The following OSBP2 variants were observed in gnomAD, a reference collection of about 807,000 sequenced individuals.
OSBP2 encodes the protein oxysterol-binding protein 2.
Under a neutral mutation model 96.0 loss-of-function variants are expected in OSBP2, and 66 were observed. That is an observed-to-expected ratio of 0.69 (90% CI 0.56 to 0.84). The LOEUF (loss-of-function observed/expected upper bound fraction) is 0.84. Ranked by LOEUF, OSBP2 falls within the 40% of genes least tolerant of loss-of-function variation. The pLI is 0.00. For synonymous variants in OSBP2, 525 were observed against 520.9 expected, an observed-to-expected ratio of 1.01 and a Z score of -0.11; for missense variants, 1,038 against 1,222.7, an observed-to-expected ratio of 0.85 and a Z score of 2.25.
intron 1 of OSBP2, among the ~76,000 whole-genome samples, chr22:30,723,595 G>A (rs982804281): frequency 1.3e-5 from 2 of 151,714 alleles, no homozygotes; most frequent in Non-Finnish European, 2.9e-5. Context: ...TGTATTTTTA[G>A]TAGAGACGGG....
At chr22:30,834,534 C>T (rs1278872200) in intron 2 of OSBP2, among the ~76,000 whole-genome samples, 1 of 152,160 alleles carries the variant, frequency 6.6e-6, no homozygotes, top group African/African-American at 2.4e-5. Flanking sequence ...GTTTTTTAAT[C>T]ACTGTCATCC....
At chr22:30,830,885 C>CAAAA (rs136219) in intron 2 of OSBP2, among the ~76,000 whole-genome samples, 19 of 149,084 alleles carry the variant, frequency 1.3e-4, no homozygotes, top group African/African-American at 4.4e-4. Context: ...CATTGAGATC[C>CAAAA]AAAAAAAAAA....
intron 2 of OSBP2, among the ~76,000 whole-genome samples, chr22:30,750,437 T>C (rs1247514249): frequency 6.6e-6 from 1 of 152,170 alleles, no homozygotes; most frequent in African/African-American, 2.4e-5. Context: ...GTGCCCCATG[T>C]AAACAAAAAA....
intron 1 of OSBP2, among the ~76,000 whole-genome samples, chr22:30,720,398 G>A (rs903582697): frequency 3.9e-5 from 6 of 152,176 alleles, no homozygotes; most frequent in Non-Finnish European, 8.8e-5. Context: ...TGGCAAAATG[G>A]TGCAGGCAAT....
chr22:30,814,896 T>C (rs569030085), intron 2 of OSBP2, among the ~76,000 whole-genome samples: 1 of 152,324 alleles, frequency 6.6e-6, no homozygotes, highest in Non-Finnish European at 1.5e-5. Flanking sequence ...GTACTTGCTT[T>C]CAGTCACAAT....
At chr22:30,859,191 G>A (rs866077165) in intron 2 of OSBP2, among the ~76,000 whole-genome samples, 2 of 152,226 alleles carry the variant, frequency 1.3e-5, no homozygotes, top group East Asian at 1.9e-4. Flanking sequence ...GAGAAGCCGC[G>A]CTGGCTGTCT....
rs1052633379 is a variant in OSBP2, at chr22:30,881,650, C to T, written c.1108-5776C>T. The T allele has an allele frequency of 6.1e-6, 8 of 1,301,666 alleles. No individual in the cohort carries two copies. Among genetic ancestry groups the T allele is most frequent in the South Asian group, 2.5e-5 (2 of 80,968 alleles). 80.6% of individuals were successfully genotyped at this position (1,301,666 alleles called of 1,614,324 possible). A position where few individuals can be genotyped will look rare whatever the true frequency, so the allele number is the denominator to read the frequency against. The stretch of plus-strand genomic sequence containing the variant: ...CTGCCGGGCCCCAAGCCTAATCCAG[C>T]TTATCAAGCACACAGCACACAGCCC... On this transcript the variant is annotated intron_variant, in intron 3 of 13. Transcript: ENST00000332585. This position sits in a 1 kb window ranked among gnomAD's most constrained non-coding sequence, Gnocchi z 4.5.
chr22:30,822,564 C>T (rs1490389695), intron 2 of OSBP2: 6 of 1,456,166 alleles, frequency 4.1e-6, no homozygotes, highest in East Asian at 2.5e-5. Flanking sequence ...TGCACGCGTC[C>T]GTGCAAGCCC....
chr22:30,771,915 C>T (rs1258417053), intron 2 of OSBP2, among the ~76,000 whole-genome samples: 1 of 152,220 alleles, frequency 6.6e-6, no homozygotes, highest in African/African-American at 2.4e-5. Context: ...AGGACAGAGG[C>T]TGTGCTTGTC....
intron 2 of OSBP2, among the ~76,000 whole-genome samples, chr22:30,779,459 A>G (rs764028094): frequency 3.9e-5 from 6 of 152,116 alleles, no homozygotes; most frequent in Non-Finnish European, 8.8e-5. Context: ...GTCAACTAGT[A>G]CAACATATAT....
chr22:30,693,835 G>A (rs1482247111), upstream of OSBP2: 14 of 486,798 alleles, frequency 2.9e-5, no homozygotes, highest in Non-Finnish European at 4.9e-5. Flanking sequence ...GGCATGGTGC[G>A]GGCCGTGGAA....
rs565488217 is a variant in OSBP2 at position 30,701,633 on chromosome 22, A to G, written c.644+6080A>G. Among the ~76,000 whole-genome samples, 317 of 152,176 alleles carry G rather than the reference A, an allele frequency of 2.1e-3. 1 individual carries two copies. Among genetic ancestry groups the G allele is most frequent in the African/African-American group, 7.0e-3 (290 of 41,542 alleles). On this transcript the variant is annotated intron_variant, in intron 1 of 13. Transcript: ENST00000332585. ...GCTGGGATTACAGGCGTGAGCCACC[A>G]CGCCCAGCCTTCAATGTCAATTTTG...
chr22:30,789,334 T>A (rs2090640922), intron 2 of OSBP2, among the ~76,000 whole-genome samples: 2 of 152,188 alleles, frequency 1.3e-5, no homozygotes, highest in South Asian at 2.1e-4. Context: ...AGAGGGGGCC[T>A]GAATCTGGCA....
At position 30,783,143 on chromosome 22, in the gene OSBP2, G is replaced by A. The variant is rs2090542732; in HGVS notation, c.853+41774G>A. ...GGAGAATCACAGGGCAATTGCCCAGGAACCTGTGTGCATATGGTCCTATTC... is the reference window on the plus strand; with the variant it reads ...GGAGAATCACAGGGCAATTGCCCAGAAACCTGTGTGCATATGGTCCTATTC... On this transcript the variant is annotated intron_variant, in intron 2 of 13. Transcript: ENST00000332585. Among the ~76,000 whole-genome samples the A allele has an allele frequency of 2.7e-5, 4 of 146,216 alleles. No individual in the cohort carries two copies. In the South Asian group the frequency reaches 9.3e-4, roughly 34 times the overall value.
At chr22:30,874,373 C>A (rs1387163943) in intron 3 of OSBP2, among the ~76,000 whole-genome samples, 1 of 151,996 alleles carries the variant, frequency 6.6e-6, no homozygotes, top group East Asian at 1.9e-4. Context: ...GATCACGCCA[C>A]TGCACTCCAG....
chr22:30,822,461 G>A (rs1602313884), intron 2 of OSBP2: 1 of 1,260,272 alleles, frequency 7.9e-7, no homozygotes, highest in Non-Finnish European at 1.0e-6. Flanking sequence ...ACGCGCTCAT[G>A]TACCGGGTGG....
chr22:30,790,966 C>A (rs537097217), intron 2 of OSBP2, among the ~76,000 whole-genome samples: 1 of 152,094 alleles, frequency 6.6e-6, no homozygotes, highest in South Asian at 2.1e-4. Flanking sequence ...TTTTATTTTT[C>A]TTTCATTTTT....
intron 2 of OSBP2, among the ~76,000 whole-genome samples, chr22:30,856,229 A>G (rs907554698): frequency 2.0e-5 from 3 of 151,364 alleles, no homozygotes; most frequent in African/African-American, 7.3e-5. Context: ...CCATCTCTCC[A>G]TTTCTGCCCC....
At chr22:30,812,482 A>G in intron 2 of OSBP2, among the ~76,000 whole-genome samples, 1 of 152,206 alleles carries the variant, frequency 6.6e-6, no homozygotes, top group East Asian at 1.9e-4. Flanking sequence ...TTTAAAGAAC[A>G]GCATAGAATT....
Sources: allele counts gnomAD v4.1 joint callset (sites outside exome capture counted in the v4.1 genomes callset), GRCh38; gene constraint gnomAD v4.1.1; non-coding constraint Gnocchi (gnomAD v3.1); transcripts MANE v1.5; gene names NCBI Gene and HGNC (gene_info 2026-07-23, HGNC 2026-07-21).